Variants in PLSCR5 observed in about 807,000 individuals in gnomAD.
PLSCR5 encodes phospholipid scramblase family, member 5.
A neutral mutation model predicts 33.6 loss-of-function variants in PLSCR5; 44 were observed. That is an observed-to-expected ratio of 1.31 (90% CI 1.03 to 1.69). PLSCR5 has a LOEUF of 1.69. Ranked by LOEUF, PLSCR5 falls within the 40% of genes most tolerant of loss-of-function variation. PLSCR5 has a pLI of 0.00. For missense variants in PLSCR5, 375 were observed against 318.7 expected, an observed-to-expected ratio of 1.18 and a Z score of -1.34; for synonymous variants, 148 against 112.3, an observed-to-expected ratio of 1.32 and a Z score of -2.01.
intron 6 of PLSCR5, among the ~76,000 whole-genome samples, chr3:146,589,182 G>T (rs994476865): frequency 6.6e-6 from 1 of 152,056 alleles, no homozygotes; most frequent in Non-Finnish European, 1.5e-5. Flanking sequence ...AATGGCAACT[G>T]GTACCTATTA....
At chr3:146,594,605 G>A (rs2044742884) in intron 3 of PLSCR5, among the ~76,000 whole-genome samples, 1 of 151,962 alleles carries the variant, frequency 6.6e-6, no homozygotes, top group Non-Finnish European at 1.5e-5. Flanking sequence ...ACTAAACCCA[G>A]AAAATACTCA....
intron 6 of PLSCR5, 89 bp from the exon 7 acceptor site, chr3:146,586,201 A>T: frequency 8.1e-7 from 1 of 1,242,166 alleles, no homozygotes; most frequent in Non-Finnish European, 1.1e-6. Flanking sequence ...GATTATGTAA[A>T]GCAATTATAT....
intron 7 of PLSCR5, among the ~76,000 whole-genome samples, chr3:146,577,057 A>G (rs2044603230): frequency 6.6e-6 from 1 of 152,108 alleles, no homozygotes; most frequent in Admixed American, 6.6e-5. Flanking sequence ...TTGGTACAGA[A>G]TGAGGTCTGG....
At chr3:146,603,161 CTGA>C (rs1234881053) in intron 1 of PLSCR5, among the ~76,000 whole-genome samples, 1 of 152,082 alleles carries the variant, frequency 6.6e-6, no homozygotes, top group Non-Finnish European at 1.5e-5. Context: ...TTTAGTAGTG[CTGA>C]TTGATCTGCC....
intron 2 of PLSCR5, among the ~76,000 whole-genome samples, chr3:146,596,496 G>C (rs1033646787): frequency 6.6e-6 from 1 of 152,116 alleles, no homozygotes; most frequent in East Asian, 1.9e-4. Context: ...TGGCCTATTT[G>C]TGTTTATTTT....
At chr3:146,585,998 A>G in intron 7 of PLSCR5, 32 bp downstream of exon 7, 9 of 1,377,764 alleles carry the variant, frequency 6.5e-6, no homozygotes, top group Non-Finnish European at 8.7e-6. Context: ...CTTCAAAGGG[A>G]AAGAGATCAT....
intron 1 of PLSCR5, among the ~76,000 whole-genome samples, chr3:146,602,911 A>G (rs1277715486): frequency 6.6e-6 from 1 of 152,048 alleles, no homozygotes; most frequent in East Asian, 1.9e-4. Flanking sequence ...GTAGAGTGTG[A>G]GTGAGTCTCT....
intron 7 of PLSCR5, among the ~76,000 whole-genome samples, chr3:146,579,412 C>T (rs964017374): frequency 1.1e-4 from 17 of 152,120 alleles, no homozygotes; most frequent in African/African-American, 3.9e-4. Context: ...GTTATTTCCT[C>T]AGTTTGTTTT....
intron 7 of PLSCR5, among the ~76,000 whole-genome samples, chr3:146,580,323 T>A (rs1346317898): frequency 2.6e-5 from 4 of 151,748 alleles, no homozygotes; most frequent in Non-Finnish European, 5.9e-5. Context: ...CAAGACTGTA[T>A]GTGATTTAGC....
chr3:146,587,004 A>C (rs1449118753), intron 6 of PLSCR5, among the ~76,000 whole-genome samples: 1 of 152,224 alleles, frequency 6.6e-6, no homozygotes, highest in Non-Finnish European at 1.5e-5. Context: ...GGGAGTCATT[A>C]ACTATTCTCA....
intron 4 of PLSCR5, 124 bp from the exon 5 acceptor site, chr3:146,592,005 T>G: frequency 1.2e-6 from 1 of 852,778 alleles, no homozygotes; most frequent in African/African-American, 1.7e-5. Flanking sequence ...CTACAAATCA[T>G]TCTAAATACC....
intron 2 of PLSCR5, among the ~76,000 whole-genome samples, chr3:146,596,574 A>T (rs1032851953): frequency 1.3e-5 from 2 of 152,178 alleles, no homozygotes; most frequent in Non-Finnish European, 2.9e-5. Context: ...GCTGCTGATC[A>T]TTGTATTTTC....
intron 1 of PLSCR5, among the ~76,000 whole-genome samples, chr3:146,602,889 C>A (rs1325938679): frequency 6.6e-6 from 1 of 152,022 alleles, no homozygotes; most frequent in Non-Finnish European, 1.5e-5. Context: ...TGTCCAAAGT[C>A]TTTATTTAGG....
intron 5 of PLSCR5, among the ~76,000 whole-genome samples, chr3:146,591,362 A>G (rs1420071067): frequency 1.3e-5 from 2 of 152,058 alleles, no homozygotes; most frequent in African/African-American, 2.4e-5. Flanking sequence ...CTAATCAAAG[A>G]GATATAGTAG....
Position 146,594,069 on chromosome 3 carries a change from C to A in PLSCR5, c.304G>T (p.Val102Leu), listed in dbSNP as rs767360767. 1 of 1,613,760 alleles carries A rather than the reference C, an allele frequency of 6.2e-7. No homozygotes were observed. The highest frequency in any genetic ancestry group is 8.5e-7 in the Non-Finnish European group (1 of 1,179,778). Residue 102 changes from valine (V) to leucine (L), a missense_variant, in exon 4 of 8, where the codon GTG becomes TTG. Physicochemically the swap from Val to Leu is conservative, Grantham distance 32. Transcript: ENST00000443512. ...NSLGQRIYFA[V>L]EESICFNRTF... ...CGATTGAAGCAGATGCTTTCCTCCA[C>A]TGCAAAGTAAATTCTTTGTCCCAAG...
chr3:146,577,646 A>C (rs1051013404), intron 7 of PLSCR5, among the ~76,000 whole-genome samples: 6 of 152,122 alleles, frequency 3.9e-5, no homozygotes. Context: ...TCTGCTCATT[A>C]AAAATAGTAA....
intron 2 of PLSCR5, among the ~76,000 whole-genome samples, chr3:146,598,507 G>A (rs1254389051): frequency 6.6e-6 from 1 of 152,060 alleles, no homozygotes; most frequent in African/African-American, 2.4e-5. Context: ...TATATTTTTG[G>A]AAAATTTATT....
chr3:146,578,906 G>A (rs2044616084), intron 7 of PLSCR5, among the ~76,000 whole-genome samples: 2 of 151,872 alleles, frequency 1.3e-5, no homozygotes, highest in African/African-American at 4.8e-5. Context: ...TTGGCAGACA[G>A]TCATAAAATA....
At chr3:146,589,590 A>G (rs1397272614) in intron 6 of PLSCR5, 63 bp downstream of exon 6, 2 of 1,377,688 alleles carry the variant, frequency 1.5e-6, no homozygotes, top group Non-Finnish European at 2.0e-6. Context: ...GATAGGCTAT[A>G]TTGTAATTAA....
Sources: gnomAD v4.1 joint callset for allele counts (sites outside exome capture counted in the v4.1 genomes callset) on GRCh38, gnomAD v4.1.1 for gene constraint, MANE v1.5 for transcripts, NCBI Gene and HGNC (gene_info 2026-07-23, HGNC 2026-07-21) for gene names.